The following SLMAP variants were observed in gnomAD, a reference collection of about 807,000 sequenced individuals.
SLMAP encodes sarcolemmal membrane-associated protein.
A neutral mutation model predicts 128.8 loss-of-function variants in SLMAP; 44 were observed. The observed-to-expected ratio is 0.34, with a 90% CI of 0.27 to 0.44. The LOEUF (loss-of-function observed/expected upper bound fraction) is 0.44, where lower values mean the gene tolerates loss of function less well. Ranked by LOEUF, SLMAP falls within the 20% of genes least tolerant of loss-of-function variation. The pLI, the probability that SLMAP is intolerant of heterozygous loss-of-function variation, is 1.00. For synonymous variants in SLMAP, 327 were observed against 348.8 expected (o/e 0.94, Z 0.70); for missense variants, 787 against 985.3 (o/e 0.80, Z 2.69).
Position 57,756,316 on chromosome 3 carries a change from G to A in SLMAP, c.-1131G>A, listed in dbSNP as rs1053158017. ...GTGCACCGGGTAGGTTTCAGTCAGA[G>A]TCACTATGGCGGCCGGCGCTGGCAA... On this transcript the variant is annotated 5_prime_UTR_variant, in exon 1 of 25. Transcript: ENST00000671191. 2.0e-5 allele frequency: 3 copies of A among 153,748 alleles called. No individual in the cohort carries two copies. The highest frequency in any genetic ancestry group is 7.2e-5 in the African/African-American group (3 of 41,490). The allele number at this position is 153,748 out of a possible 1,614,324, so 9.5% of individuals were successfully genotyped here.
chr3:57,767,765 T>C (rs2080039601), intron 2 of SLMAP, among the ~76,000 whole-genome samples: 1 of 152,176 alleles, frequency 6.6e-6, no homozygotes, highest in Non-Finnish European at 1.5e-5. Context: ...ATGGGAGTTT[T>C]TTTCCCCCCA....
rs2079812728 is a variant in SLMAP, at chr3:57,766,729, C to G, written c.198+8880C>G. ...TGTGTACTAGCTGTATGACAGTGTT[C>G]ACTGTTTCTAGAACAAGTGCCTTTT... is the stretch of plus-strand genomic sequence containing the variant. On this transcript the variant is annotated intron_variant, in intron 2 of 24. Transcript: ENST00000671191. Among the ~76,000 whole-genome samples the G allele has an allele frequency of 2.0e-5, 3 of 151,976 alleles. No homozygotes were observed. In the South Asian group the frequency reaches 6.2e-4, roughly 32 times the overall value.
Position 57,925,764 on chromosome 3 carries a change from C to T in SLMAP, c.2446-81C>T, listed in dbSNP as rs1037066496. The stretch of plus-strand genomic sequence containing the variant: ...ATTATTTCATTCTTTCTTCCTACCT[C>T]CCACCCTACTGGGGTCTGAATCCTC... On this transcript the variant is annotated intron_variant, in intron 23 of 24. Transcript: ENST00000671191. 7.6e-6 allele frequency: 7 copies of T among 916,084 alleles called. No individual in the cohort carries two copies. In the East Asian group the frequency reaches 1.8e-4, roughly 24 times the overall value. The allele number at this position is 916,084 out of a possible 1,614,324, so 56.7% of individuals were successfully genotyped here. A position where few individuals can be genotyped will look rare whatever the true frequency, so the allele number is the denominator to read the frequency against.
At chr3:57,821,774 A>C (rs1000751898) in intron 2 of SLMAP, among the ~76,000 whole-genome samples, 5 of 152,166 alleles carry the variant, frequency 3.3e-5, no homozygotes, top group African/African-American at 1.2e-4. Flanking sequence ...CTTCTGTCTT[A>C]AGAAATTGCA....
chr3:57,918,360 T>C (rs2096853394), intron 22 of SLMAP: 1 of 152,256 alleles, frequency 6.6e-6, no homozygotes, highest in Non-Finnish European at 1.5e-5. Flanking sequence ...TTGCCTGTTT[T>C]TGGTCACTGA....
chr3:57,758,931 T>C (rs1463141029), intron 2 of SLMAP, among the ~76,000 whole-genome samples: 1 of 152,248 alleles, frequency 6.6e-6, no homozygotes, highest in Non-Finnish European at 1.5e-5. Flanking sequence ...CCCCTCTTTC[T>C]GAGTTAAATA....
At chr3:57,856,695 G>T (rs541450400) in intron 6 of SLMAP, among the ~76,000 whole-genome samples, 1 of 152,066 alleles carries the variant, frequency 6.6e-6, no homozygotes, top group Admixed American at 6.6e-5. Context: ...CAGAAGGAAT[G>T]CACTCTATAA....
intron 3 of SLMAP, among the ~76,000 whole-genome samples, chr3:57,837,029 GA>G (rs1438312203): frequency 5.3e-5 from 8 of 152,192 alleles, no homozygotes; most frequent in African/African-American, 1.9e-4. Flanking sequence ...GGCCTATAAA[GA>G]GCAAAGTCAA....
chr3:57,927,443 A>C lies in SLMAP; in HGVS notation c.*154A>C. 5.5e-5 allele frequency: 59 copies of C among 1,080,292 alleles called. No homozygotes were observed. The highest frequency in any genetic ancestry group is 7.4e-5 in the Non-Finnish European group (54 of 733,046). 66.9% of individuals were successfully genotyped at this position (1,080,292 alleles called of 1,614,324 possible). On this transcript the variant is annotated 3_prime_UTR_variant, in exon 25 of 25. Coordinates refer to ENST00000671191, the MANE Select transcript of SLMAP (RefSeq NM_001377540.1). ...CCCTCTAGAAGCTGGCATCACACTCATGCTGGGGACAAACAGAACCATTTT... is the reference window on the plus strand; with the variant it reads ...CCCTCTAGAAGCTGGCATCACACTCCTGCTGGGGACAAACAGAACCATTTT...
chr3:57,914,243 C>T (rs901786603), intron 21 of SLMAP, among the ~76,000 whole-genome samples: 1 of 151,802 alleles, frequency 6.6e-6, no homozygotes, highest in Non-Finnish European at 1.5e-5. Context: ...AACATCTCTA[C>T]AAAAAATACA....
intron 2 of SLMAP, among the ~76,000 whole-genome samples, chr3:57,774,565 C>T (rs1035345743): frequency 6.6e-6 from 1 of 151,632 alleles, no homozygotes; most frequent in African/African-American, 2.4e-5. Flanking sequence ...TACTCTGTCC[C>T]CCAGGCTGGA....
chr3:57,848,989 G>T (rs571086862), intron 5 of SLMAP, among the ~76,000 whole-genome samples: 1 of 150,448 alleles, frequency 6.6e-6, no homozygotes, highest in African/African-American at 2.4e-5. Context: ...GATTACAGGC[G>T]TGAGCCACCG....
At chr3:57,854,626 TA>T (rs752664061) in intron 6 of SLMAP, among the ~76,000 whole-genome samples, 3 of 152,194 alleles carry the variant, frequency 2.0e-5, no homozygotes, top group Non-Finnish European at 2.9e-5. Flanking sequence ...TATACGTTTA[TA>T]TAAACAACAT....
Position 57,864,604 on chromosome 3 carries a change from A to T in SLMAP, c.1023A>T (p.Glu341Asp), listed in dbSNP as rs780828309. The T allele has an allele frequency of 6.3e-7, 1 of 1,593,524 alleles. No individual in the cohort carries two copies. Among genetic ancestry groups the T allele is most frequent in the African/African-American group, 1.4e-5 (1 of 73,370 alleles). The part of the protein sequence containing the change: ...IQQKGQAEKK[E>D]LQHKIDEMEE... ...AGAAGGGACAGGCTGAGAAAAAAGA[A>T]TTACAACATAAAATAGATGAAATGG... Residue 341 changes from glutamate (E) to aspartate (D), a missense_variant, in exon 11 of 25, where the codon GAA becomes GAT. Physicochemically the swap from Glu to Asp is conservative, Grantham distance 45. Coordinates refer to ENST00000671191, the MANE Select transcript of SLMAP (RefSeq NM_001377540.1).
chr3:57,772,153 A>T (rs1467379697), intron 2 of SLMAP, among the ~76,000 whole-genome samples: 1 of 152,228 alleles, frequency 6.6e-6, no homozygotes, highest in Non-Finnish European at 1.5e-5. Flanking sequence ...CTTGTTTGTC[A>T]TGTAAGGGGG....
rs149371029 is a variant in SLMAP at position 57,855,734 on chromosome 3, A to C, written c.520-1999A>C. 1.7e-4 allele frequency among the ~76,000 whole-genome samples: 26 copies of C among 151,202 alleles called. No individual in the cohort carries two copies. The East Asian group carries it at 4.3e-3, about 25-fold the overall frequency. On this transcript the variant is annotated intron_variant, in intron 6 of 24. Transcript: ENST00000671191. ...GTTAAAAAAAAAAAAAACAAAAAAA[A>C]AAACTTTAAATAAAAATATTAGCTG... is the stretch of plus-strand genomic sequence containing the variant.
At chr3:57,797,008 C>T (rs573380103) in intron 2 of SLMAP, among the ~76,000 whole-genome samples, 47 of 149,900 alleles carry the variant, frequency 3.1e-4, no homozygotes, top group Middle Eastern at 3.4e-3. Context: ...GTAGGACCCC[C>T]GTCTCTATAA....
chr3:57,916,244 A>C (rs1310537077), intron 21 of SLMAP, among the ~76,000 whole-genome samples: 2 of 152,034 alleles, frequency 1.3e-5, no homozygotes, highest in Non-Finnish European at 2.9e-5. Flanking sequence ...TTGGCAGTGA[A>C]GGGCACTGAG....
At chr3:57,767,486 G>GTT (rs1228406403) in intron 2 of SLMAP, among the ~76,000 whole-genome samples, 2 of 152,184 alleles carry the variant, frequency 1.3e-5, no homozygotes, top group Admixed American at 6.5e-5. Flanking sequence ...TTTATTGAGA[G>GTT]CTTGCAGTTT....
Sources: gnomAD v4.1 joint callset for allele counts (sites outside exome capture counted in the v4.1 genomes callset) on GRCh38, gnomAD v4.1.1 for gene constraint, MANE v1.5 for transcripts, NCBI Gene and HGNC (gene_info 2026-07-23, HGNC 2026-07-21) for gene names.